Variants in MARCHF3 observed in about 807,000 individuals in gnomAD.
MARCHF3 encodes E3 ubiquitin-protein ligase MARCHF3.
Under a neutral mutation model 24.2 loss-of-function variants are expected in MARCHF3, and 13 were observed. That is an observed-to-expected ratio of 0.54 (90% CI 0.35 to 0.85). The LOEUF is 0.85. Among genes scored for constraint, MARCHF3 ranks in the 40% least tolerant of loss-of-function variants. The pLI is 0.01. For missense variants in MARCHF3, 276 were observed against 325.0 expected (o/e 0.85, Z 1.16); for synonymous variants, 144 against 137.3 (o/e 1.05, Z -0.34).
chr5:126,921,036 C>T (rs1250910836), intron 1 of MARCHF3, among the ~76,000 whole-genome samples: 1 of 151,584 alleles, frequency 6.6e-6, no homozygotes, highest in Non-Finnish European at 1.5e-5. Flanking sequence ...GCCATATCTG[C>T]AGAACCCTGC....
chr5:126,932,283 C>G (rs539917621), intron 1 of MARCHF3, among the ~76,000 whole-genome samples: 269 of 152,358 alleles, frequency 1.8e-3, no homozygotes, highest in African/African-American at 6.3e-3. Flanking sequence ...AAGGTACAAC[C>G]TTGGATAAGT....
chr5:126,936,529 T>C (rs1211551497), intron 1 of MARCHF3, among the ~76,000 whole-genome samples: 1 of 152,228 alleles, frequency 6.6e-6, no homozygotes, highest in African/African-American at 2.4e-5. Flanking sequence ...ATTTCAAGTA[T>C]AATTCAGAGA....
intron 1 of MARCHF3, among the ~76,000 whole-genome samples, chr5:126,932,005 C>T (rs1749493844): frequency 6.6e-6 from 1 of 151,896 alleles, no homozygotes; most frequent in African/African-American, 2.4e-5. Context: ...CATCTCAGAA[C>T]ATTTGAGGAT....
intron 1 of MARCHF3, among the ~76,000 whole-genome samples, chr5:126,995,673 T>C (rs1249691750): frequency 1.3e-5 from 2 of 152,240 alleles, no homozygotes. Context: ...GTCATGACCA[T>C]TATGTACTGT....
chr5:126,936,150 G>A (rs1215258023), intron 1 of MARCHF3, among the ~76,000 whole-genome samples: 1 of 152,074 alleles, frequency 6.6e-6, no homozygotes, highest in East Asian at 1.9e-4. Context: ...CACACCTCCG[G>A]AAGAACAGTT....
At chr5:126,988,232 A>G (rs553289921) in intron 1 of MARCHF3, among the ~76,000 whole-genome samples, 1 of 152,302 alleles carries the variant, frequency 6.6e-6, no homozygotes, top group Admixed American at 6.5e-5. Context: ...TGAAACTTCC[A>G]GGAGACAAGC....
chr5:126,878,083 A>G, intron 4 of MARCHF3, 102 bp downstream of exon 4: 1 of 1,127,372 alleles, frequency 8.9e-7, no homozygotes, highest in Non-Finnish European at 1.3e-6. Context: ...TCTGTTTTCT[A>G]CCGGGCAGGT....
intron 3 of MARCHF3, chr5:126,899,241 C>T (rs967187573): frequency 1.0e-5 from 10 of 985,162 alleles, no homozygotes; most frequent in Non-Finnish European, 1.2e-5. Flanking sequence ...GGGGTGTTTT[C>T]TTATCTTCCC....
At chr5:126,987,635 A>G (rs73786269) in intron 1 of MARCHF3, among the ~76,000 whole-genome samples, 7,822 of 152,240 alleles carry the variant, frequency 0.051, 375 homozygotes, top group South Asian at 0.13. Context: ...AGCAAGAATG[A>G]AAGAGTCTAG....
At chr5:126,874,653 T>C (rs778011276) in intron 4 of MARCHF3, among the ~76,000 whole-genome samples, 1 of 152,082 alleles carries the variant, frequency 6.6e-6, no homozygotes, top group Non-Finnish European at 1.5e-5. Context: ...ATTTTGCCCT[T>C]TCTCTCTGGA....
chr5:126,995,389 AT>A (rs1751918014), intron 1 of MARCHF3, among the ~76,000 whole-genome samples: 1 of 152,212 alleles, frequency 6.6e-6, no homozygotes, highest in African/African-American at 2.4e-5. Flanking sequence ...ACATGTTCCT[AT>A]CTTGCTTTTC....
At chr5:126,899,229 CAG>C in intron 3 of MARCHF3, 1 of 985,324 alleles carries the variant, frequency 1.0e-6, no homozygotes, top group Non-Finnish European at 1.2e-6. Context: ...GAAGACCTGA[CAG>C]GGGTGTTTTC....
At chr5:126,902,643 C>T (rs546630329) in intron 3 of MARCHF3, among the ~76,000 whole-genome samples, 3 of 152,098 alleles carry the variant, frequency 2.0e-5, no homozygotes, top group Admixed American at 6.6e-5. Context: ...GTGAACACTT[C>T]GGTTGGTGGT....
At chr5:126,948,187 G>A (rs895162865) in intron 1 of MARCHF3, among the ~76,000 whole-genome samples, 1 of 152,114 alleles carries the variant, frequency 6.6e-6, no homozygotes, top group African/African-American at 2.4e-5. Flanking sequence ...TGCCTGCCCA[G>A]TTTTCTTAAT....
chr5:126,959,933 C>T (rs929739852), intron 1 of MARCHF3, among the ~76,000 whole-genome samples: 7 of 152,016 alleles, frequency 4.6e-5, no homozygotes, highest in East Asian at 1.9e-4. Context: ...ATAGTTCCAC[C>T]GAAGGCACTC....
chr5:126,986,142 CA>C, intron 1 of MARCHF3, among the ~76,000 whole-genome samples: 1 of 152,250 alleles, frequency 6.6e-6, no homozygotes, highest in South Asian at 2.1e-4. Context: ...AAGTAGGAGT[CA>C]AAAGACCTGG....
intron 1 of MARCHF3, among the ~76,000 whole-genome samples, chr5:126,936,887 CAAT>C (rs1442582958): frequency 6.6e-6 from 1 of 152,150 alleles, no homozygotes; most frequent in African/African-American, 2.4e-5. Flanking sequence ...AGAAATTCAA[CAAT>C]GTTTCTCCCC....
intron 1 of MARCHF3, among the ~76,000 whole-genome samples, chr5:126,939,327 T>C (rs1472406112): frequency 9.9e-5 from 15 of 152,174 alleles, no homozygotes; most frequent in Non-Finnish European, 2.9e-5. Context: ...CCTAAAGTGT[T>C]ATAAGTTGTT....
chr5:126,910,541 A>C (rs1442498704), intron 3 of MARCHF3, among the ~76,000 whole-genome samples: 7 of 152,214 alleles, frequency 4.6e-5, no homozygotes, highest in Admixed American at 4.6e-4. Flanking sequence ...TGGATTGTGA[A>C]GATTTCATGG....
Sources: gnomAD v4.1 joint callset for allele counts (sites outside exome capture counted in the v4.1 genomes callset) on GRCh38, gnomAD v4.1.1 for gene constraint, MANE v1.5 for transcripts, NCBI Gene and HGNC (gene_info 2026-07-23, HGNC 2026-07-21) for gene names.